Variants in EYS observed in about 807,000 individuals in gnomAD.
EYS encodes EGF-like photoreceptor maintenance factor.
Under a neutral mutation model 282.1 loss-of-function variants are expected in EYS, and 250 were observed. The ratio of observed to expected loss-of-function variants is 0.89; its 90% CI spans 0.80 to 0.98. The LOEUF (loss-of-function observed/expected upper bound fraction) is 0.98, where lower values mean the gene tolerates loss of function less well. Among genes scored for constraint, EYS ranks in the 50% least tolerant of loss-of-function variants. The pLI, the probability that EYS is intolerant of heterozygous loss-of-function variation, is 0.00. For missense variants in EYS, 4,016 were observed against 3,709.0 expected, an observed-to-expected ratio of 1.08 and a Z score of -2.15; for synonymous variants, 1,355 against 1,282.9, an observed-to-expected ratio of 1.06 and a Z score of -1.20.
intron 33 of EYS, among the ~76,000 whole-genome samples, chr6:64,058,349 G>A (rs762104731): frequency 8.6e-5 from 13 of 151,914 alleles, no homozygotes; most frequent in Admixed American, 5.9e-4. Context: ...TGAGAAAAAT[G>A]TTTCCAAGGA....
intron 14 of EYS, among the ~76,000 whole-genome samples, chr6:64,966,678 T>A (rs1186040608): frequency 6.6e-6 from 1 of 152,190 alleles, no homozygotes; most frequent in African/African-American, 2.4e-5. Context: ...CAGTGTAACA[T>A]GGTTGCTTCA....
intron 29 of EYS, among the ~76,000 whole-genome samples, chr6:64,363,393 C>T (rs1271351481): frequency 6.6e-6 from 1 of 151,882 alleles, no homozygotes; most frequent in Non-Finnish European, 1.5e-5. Flanking sequence ...AGCTGAGAGG[C>T]ATGCTTGAGT....
At position 64,591,464 on chromosome 6, in the gene EYS, T is replaced by A; in HGVS notation, c.4403A>T (p.Asp1468Val). 1 of 1,551,344 alleles carries A rather than the reference T, an allele frequency of 6.4e-7. No homozygotes were observed. The change falls in exon 26 of 43, where the codon GAT (aspartate) becomes GTT (valine). Residue 1468 changes from aspartate (D) to valine (V), a missense_variant. Physicochemically the swap from Asp to Val is radical, Grantham distance 152. Coordinates refer to ENST00000503581, the MANE Select transcript of EYS (RefSeq NM_001142800.2). ...TPVVSRGAQE[D>V]IEEYSADSLI... ...AGAATCAGCTGAATATTCTTCAATA[T>A]CCTCTTGAGCCCCCCTAGAGACAAC... is the stretch of plus-strand genomic sequence containing the variant.
intron 28 of EYS, among the ~76,000 whole-genome samples, chr6:64,399,303 A>G (rs1773475107): frequency 6.6e-6 from 1 of 151,768 alleles, no homozygotes; most frequent in Non-Finnish European, 1.5e-5. Flanking sequence ...AATTTACCCA[A>G]CATCCACACT....
intron 22 of EYS, among the ~76,000 whole-genome samples, chr6:64,732,377 C>T (rs1423228378): frequency 6.6e-6 from 1 of 151,790 alleles, no homozygotes; most frequent in Non-Finnish European, 1.5e-5. Context: ...TTTTAACACA[C>T]TAGTGTTTCT....
chr6:64,978,878 A>G (rs1419117707), intron 14 of EYS, among the ~76,000 whole-genome samples: 1 of 151,918 alleles, frequency 6.6e-6, no homozygotes, highest in Non-Finnish European at 1.5e-5. Context: ...GATTGCTGCC[A>G]TATTGTGATC....
intron 36 of EYS, among the ~76,000 whole-genome samples, chr6:63,817,121 G>A (rs958412018): frequency 2.0e-5 from 3 of 152,232 alleles, no homozygotes; most frequent in African/African-American, 7.2e-5. Context: ...TATGACAGCT[G>A]TAATGTGATA....
intron 26 of EYS, among the ~76,000 whole-genome samples, chr6:64,522,290 T>C (rs1268255040): frequency 6.6e-6 from 1 of 151,784 alleles, no homozygotes; most frequent in Non-Finnish European, 1.5e-5. Context: ...ATATCACACA[T>C]AGAAGCATAT....
chr6:64,240,394 G>A (rs944118828), intron 30 of EYS, among the ~76,000 whole-genome samples: 3 of 152,174 alleles, frequency 2.0e-5, no homozygotes, highest in Admixed American at 6.5e-5. Flanking sequence ...AACATGGAAT[G>A]TTTTTCCATT....
intron 40 of EYS, among the ~76,000 whole-genome samples, chr6:63,764,700 AAGT>A (rs1769740415): frequency 6.6e-6 from 1 of 152,018 alleles, no homozygotes; most frequent in Non-Finnish European, 1.5e-5. Context: ...TTGGATATTA[AAGT>A]AGATAAATCA....
rs1318930466 is a variant in EYS, at chr6:64,439,258, G to A, written c.5739C>T (p.Thr1913=). ...ACAGCAGAAGTCCATAGGAGCTGAA[G>A]GTCTGAAATTCTAGGGAGATGTTAT... ...PQNNISLEFQ[T]FSSYGLLLYV... is the part of the protein sequence containing the mutation. The change falls in exon 27 of 43, where the codon ACC becomes ACT. Residue 1913 remains threonine (T), a synonymous_variant. Transcript: ENST00000503581. 15 of 1,514,514 alleles carry A rather than the reference G, an allele frequency of 9.9e-6. No homozygotes were observed. The highest frequency in any genetic ancestry group is 1.4e-5 in the African/African-American group (1 of 70,670). 93.8% of individuals were successfully genotyped at this position (1,514,514 alleles called of 1,614,324 possible). A position where few individuals can be genotyped will look rare whatever the true frequency, so the allele number is the denominator to read the frequency against.
intron 2 of EYS, among the ~76,000 whole-genome samples, chr6:65,627,095 T>C (rs1766730207): frequency 6.6e-6 from 1 of 152,150 alleles, no homozygotes; most frequent in Admixed American, 6.6e-5. Flanking sequence ...ATTGATTACC[T>C]GAAATTGGTG....
At chr6:64,109,053 T>G (rs1773123641) in intron 31 of EYS, among the ~76,000 whole-genome samples, 2 of 152,120 alleles carry the variant, frequency 1.3e-5, no homozygotes, top group Non-Finnish European at 2.9e-5. Flanking sequence ...TTAGATGCTA[T>G]AACTTCAGAG....
Position 64,591,389 on chromosome 6 carries a change from G to A in EYS, c.4478C>T (p.Pro1493Leu), listed in dbSNP as rs763161282. 3.9e-6 allele frequency: 6 copies of A among 1,551,306 alleles called. No individual in the cohort carries two copies. Among genetic ancestry groups the A allele is most frequent in the Non-Finnish European group, 2.6e-6 (3 of 1,146,760 alleles). ...HWRLLSPSMS[P>L]IFPAKVIISK... ...TATAATTACCTTAGCAGGAAAAATG[G>A]GAGACATCGAGGGGCTGAGCAATCT... Residue 1493 changes from proline to leucine, a missense_variant, in exon 26 of 43, where the codon CCC becomes CTC. Coordinates refer to ENST00000503581, the MANE Select transcript of EYS (RefSeq NM_001142800.2).
At chr6:65,593,643 T>A (rs1469697854) in intron 2 of EYS, among the ~76,000 whole-genome samples, 1 of 151,882 alleles carries the variant, frequency 6.6e-6, no homozygotes, top group Admixed American at 6.6e-5. Context: ...TAAAGTCTAT[T>A]CTTAAAATTC....
intron 13 of EYS, among the ~76,000 whole-genome samples, chr6:65,052,910 C>T (rs1773314816): frequency 6.6e-6 from 1 of 151,618 alleles, no homozygotes; most frequent in African/African-American, 2.4e-5. Context: ...GATTTATTTT[C>T]CACATTTATT....
intron 1 of EYS, among the ~76,000 whole-genome samples, chr6:65,686,489 C>T (rs9354275): frequency 0.79 from 120,518 of 152,054 alleles, 48,073 homozygotes; most frequent in East Asian, 0.85. Context: ...TGGTTATGCA[C>T]GTGTATGCTT....
At chr6:64,764,176 A>C (rs1157214412) in intron 22 of EYS, among the ~76,000 whole-genome samples, 2 of 152,228 alleles carry the variant, frequency 1.3e-5, no homozygotes. Context: ...GGCTCCAACC[A>C]CACATTTCCC....
chr6:64,660,854 C>A (rs1768985137), intron 22 of EYS, among the ~76,000 whole-genome samples: 1 of 152,096 alleles, frequency 6.6e-6, no homozygotes, highest in Admixed American at 6.5e-5. Flanking sequence ...ATCAAGCTAC[C>A]AATTACTTTC....
Sources: gnomAD v4.1 joint callset for allele counts (sites outside exome capture counted in the v4.1 genomes callset) on GRCh38, gnomAD v4.1.1 for gene constraint, MANE v1.5 for transcripts, NCBI Gene and HGNC (gene_info 2026-07-23, HGNC 2026-07-21) for gene names.